The following NTM variants were observed in gnomAD, a reference collection of about 807,000 sequenced individuals.
NTM encodes the protein neurotrimin.
NTM carries 13 observed loss-of-function variants against 42.1 expected under a neutral mutation model. The observed-to-expected ratio is 0.31, with a 90% CI of 0.20 to 0.49. The LOEUF (loss-of-function observed/expected upper bound fraction) is 0.49. NTM is among the 20% of genes least tolerant of loss of function. NTM has a pLI of 0.99. For missense variants in NTM, 373 were observed against 452.8 expected (o/e 0.82, Z 1.60); for synonymous variants, 187 against 179.2 (o/e 1.04, Z -0.35).
chr11:131,498,947 A>G (rs318979), intron 1 of NTM, among the ~76,000 whole-genome samples: 48,039 of 152,120 alleles, frequency 0.32, 7,841 homozygotes, highest in African/African-American at 0.37. Flanking sequence ...TATGCACCCT[A>G]CAGTGGCAGG....
chr11:131,582,146 G>C (rs1247736587), intron 1 of NTM: 1 of 152,176 alleles, frequency 6.6e-6, no homozygotes, highest in African/African-American at 2.4e-5. Flanking sequence ...GACGAGTTCT[G>C]CTCCCAGCCT....
chr11:131,660,855 C>T lies in NTM; in HGVS notation c.83-250709C>T, dbSNP rs1040017342. 3.2e-5 allele frequency: 39 copies of T among 1,227,348 alleles called. No individual in the cohort carries two copies. The East Asian group carries it at 3.4e-4, about 11-fold the overall frequency. The allele number at this position is 1,227,348 out of a possible 1,614,324, so 76.0% of individuals were successfully genotyped here. On this transcript the variant is annotated intron_variant, in intron 1 of 8. Transcript: ENST00000683400. ...TCACTCATTGTTACAGTTTCAAAGTCGGAAGCTGGCCTTGATTTCAAAGAA... is the reference window on the plus strand; with the variant it reads ...TCACTCATTGTTACAGTTTCAAAGTTGGAAGCTGGCCTTGATTTCAAAGAA...
chr11:132,075,357 AT>A (rs2058225787), intron 2 of NTM, among the ~76,000 whole-genome samples: 1 of 152,228 alleles, frequency 6.6e-6, no homozygotes, highest in Non-Finnish European at 1.5e-5. Context: ...ATCAATACAT[AT>A]TAAAATGTGA....
At chr11:132,275,514 T>C (rs1309813642) in intron 4 of NTM, among the ~76,000 whole-genome samples, 1 of 151,408 alleles carries the variant, frequency 6.6e-6, no homozygotes, top group African/African-American at 2.4e-5. Context: ...TTGAAATGAA[T>C]TTTTTTTCAT....
At position 132,146,822 on chromosome 11, in the gene NTM, TTTTTGTTTTGTTTTG is replaced by T. The variant is rs975791105; in HGVS notation, c.400+318_400+332del. On this transcript the variant is annotated intron_variant, in intron 3 of 8. Transcript: ENST00000683400. The surrounding 1 kb of genome is among the most constrained non-coding windows in gnomAD (Gnocchi z 4.5). ...GTTTTAGTTATTTTTGTTTGTTTGT[TTTTTGTTTTGTTTTG>T]TTTTGTTTTTTAGATTTCATCCAAT... 1.1e-5 allele frequency: 4 copies of T among 377,888 alleles called. No homozygotes were observed. Among genetic ancestry groups the T allele is most frequent in the African/African-American group, 8.3e-5 (4 of 48,058 alleles). The allele number at this position is 377,888 out of a possible 1,614,324, so 23.4% of individuals were successfully genotyped here. A position where few individuals can be genotyped will look rare whatever the true frequency, so the allele number is the denominator to read the frequency against.
intron 7 of NTM, among the ~76,000 whole-genome samples, chr11:132,328,898 C>A (rs1165723956): frequency 1.3e-5 from 2 of 152,152 alleles, no homozygotes; most frequent in East Asian, 3.9e-4. Flanking sequence ...GGCACCATGG[C>A]ATCATCACCC....
At chr11:131,761,106 T>G (rs2084097681) in intron 1 of NTM, among the ~76,000 whole-genome samples, 1 of 152,030 alleles carries the variant, frequency 6.6e-6, no homozygotes, top group African/African-American at 2.4e-5. Context: ...GAACTCTTGA[T>G]GAAAACTGGT....
chr11:132,196,479 A>C (rs2080231749), intron 3 of NTM, among the ~76,000 whole-genome samples: 1 of 152,192 alleles, frequency 6.6e-6, no homozygotes, highest in Non-Finnish European at 1.5e-5. Flanking sequence ...CCACTAAAAA[A>C]AAAATACACT....
intron 1 of NTM, among the ~76,000 whole-genome samples, chr11:131,413,353 C>A (rs922231083): frequency 6.6e-6 from 1 of 152,158 alleles, no homozygotes; most frequent in Non-Finnish European, 1.5e-5. Context: ...AGCGTGCTTC[C>A]TTTTGCTTTC....
Position 131,789,758 on chromosome 11 carries a change from C to A in NTM, c.83-121806C>A, listed in dbSNP as rs539557329. Among the ~76,000 whole-genome samples, 25 of 150,336 alleles carry A rather than the reference C, an allele frequency of 1.7e-4. No individual in the cohort carries two copies. In the South Asian group the frequency reaches 4.4e-3, roughly 27 times the overall value. On this transcript the variant is annotated intron_variant, in intron 1 of 8. Coordinates refer to ENST00000683400, the MANE Select transcript of NTM (RefSeq NM_001352005.2). ...GATCACGAGGTCAGGAGATCAAGAC[C>A]ATCCTGGCTAACACGGTGAAACCCC... is the stretch of plus-strand genomic sequence containing the variant.
chr11:131,379,124 C>G (rs542972234), intron 1 of NTM, among the ~76,000 whole-genome samples: 1 of 152,214 alleles, frequency 6.6e-6, no homozygotes, highest in Non-Finnish European at 1.5e-5. Context: ...GTTCATACTG[C>G]TGTGCCAGAC....
At chr11:132,116,563 C>G (rs1217008244) in intron 2 of NTM, among the ~76,000 whole-genome samples, 1 of 152,174 alleles carries the variant, frequency 6.6e-6, no homozygotes. Context: ...ACTTAACCAC[C>G]CTCATAGTAG....
At chr11:131,842,835 A>G (rs537154490) in intron 1 of NTM, among the ~76,000 whole-genome samples, 1 of 152,112 alleles carries the variant, frequency 6.6e-6, no homozygotes, top group South Asian at 2.1e-4. Context: ...ACATGGTGAA[A>G]CCTCATTTCT....
chr11:132,169,023 T>G (rs2075714645), intron 3 of NTM, among the ~76,000 whole-genome samples: 1 of 67,432 alleles, frequency 1.5e-5, no homozygotes, highest in South Asian at 3.4e-4. Flanking sequence ...GCTCTCTAGA[T>G]ATTATCAAAC....
At chr11:131,749,291 C>CT (rs1195132284) in intron 1 of NTM, among the ~76,000 whole-genome samples, 1 of 152,186 alleles carries the variant, frequency 6.6e-6, no homozygotes, top group Non-Finnish European at 1.5e-5. Context: ...ATAAGCCACA[C>CT]TTTCCTGGCA....
intron 1 of NTM, among the ~76,000 whole-genome samples, chr11:131,482,706 T>C (rs550275351): frequency 6.6e-6 from 1 of 152,198 alleles, no homozygotes; most frequent in Non-Finnish European, 1.5e-5. Flanking sequence ...GATTTCTACC[T>C]CATAAGCTAA....
chr11:131,603,807 C>T (rs2060691112), intron 1 of NTM, among the ~76,000 whole-genome samples: 1 of 152,188 alleles, frequency 6.6e-6, no homozygotes, highest in Admixed American at 6.5e-5. Flanking sequence ...TGACTTATTT[C>T]TTCCACTTAG....
intron 7 of NTM, among the ~76,000 whole-genome samples, chr11:132,327,398 G>A (rs2095706782): frequency 6.6e-6 from 1 of 152,324 alleles, no homozygotes; most frequent in South Asian, 2.1e-4. Flanking sequence ...CTGTATATCA[G>A]AAGGAAACAA....
At chr11:131,721,507 T>C (rs2078327676) in intron 1 of NTM, among the ~76,000 whole-genome samples, 1 of 152,022 alleles carries the variant, frequency 6.6e-6, no homozygotes, top group Non-Finnish European at 1.5e-5. Context: ...AAGAGCTTTG[T>C]AAATATTAAA....
Sources: allele counts gnomAD v4.1 joint callset (sites outside exome capture counted in the v4.1 genomes callset), GRCh38; gene constraint gnomAD v4.1.1; non-coding constraint Gnocchi (gnomAD v3.1); transcripts MANE v1.5; gene names NCBI Gene and HGNC (gene_info 2026-07-23, HGNC 2026-07-21).